Variants in MEGF9 observed in about 807,000 individuals in gnomAD.
The protein encoded by MEGF9 is multiple EGF like domains 9.
Under a neutral mutation model 46.8 loss-of-function variants are expected in MEGF9, and 6 were observed. The observed-to-expected ratio is 0.13, with a 90% CI of 0.07 to 0.25. MEGF9 has a LOEUF of 0.25. Ranked by LOEUF, MEGF9 falls within the 10% of genes least tolerant of loss-of-function variation. The pLI is 1.00. For missense variants in MEGF9, 683 were observed against 792.4 expected, an observed-to-expected ratio of 0.86 and a Z score of 1.66; for synonymous variants, 302 against 330.7, an observed-to-expected ratio of 0.91 and a Z score of 0.94.
chr9:120,670,934 A>G (rs2043746233), intron 1 of MEGF9, among the ~76,000 whole-genome samples: 1 of 152,180 alleles, frequency 6.6e-6, no homozygotes, highest in Non-Finnish European at 1.5e-5. Context: ...TATTTTCTAA[A>G]TAAAATTTCT....
intron 1 of MEGF9, among the ~76,000 whole-genome samples, chr9:120,711,008 C>T (rs2043950480): frequency 6.6e-6 from 1 of 152,180 alleles, no homozygotes; most frequent in Admixed American, 6.5e-5. Context: ...AAGACCATCA[C>T]AGACGTAAGT....
At chr9:120,675,564 G>A (rs2043768957) in intron 1 of MEGF9, among the ~76,000 whole-genome samples, 1 of 152,032 alleles carries the variant, frequency 6.6e-6, no homozygotes, top group Admixed American at 6.6e-5. Flanking sequence ...CTGTACTCCA[G>A]CCTGGGCAAC....
Position 120,622,740 on chromosome 9 carries a change from C to T in MEGF9, c.819G>A (p.Gln273=). ...TAGAGCCAATGACACCCACTTTGCA[C>T]TGGCATTTCCCAGAACTGCAAATAA... ...SIPCNSSGKC[Q]CKVGVIGSIC... Residue 273 remains glutamine (Q), a synonymous_variant, in exon 3 of 6, where the codon CAG becomes CAA. Coordinates refer to ENST00000373930, the MANE Select transcript of MEGF9 (RefSeq NM_001080497.3). 2 of 1,613,518 alleles carry T rather than the reference C, an allele frequency of 1.2e-6. No homozygotes were observed. Among genetic ancestry groups the T allele is most frequent in the Non-Finnish European group, 1.7e-6 (2 of 1,179,708 alleles).
intron 1 of MEGF9, among the ~76,000 whole-genome samples, chr9:120,667,159 C>A (rs1311483834): frequency 6.6e-6 from 1 of 152,126 alleles, no homozygotes; most frequent in Non-Finnish European, 1.5e-5. Flanking sequence ...TGGTGTCCCA[C>A]AAGCAACTAT....
At chr9:120,632,374 G>T (rs1215085907) in intron 2 of MEGF9, among the ~76,000 whole-genome samples, 2 of 146,280 alleles carry the variant, frequency 1.4e-5, no homozygotes, top group Admixed American at 1.4e-4. Flanking sequence ...AATAGGATTG[G>T]TTTTTTAAAT....
chr9:120,695,596 C>T (rs7866651), intron 1 of MEGF9, among the ~76,000 whole-genome samples: 76,044 of 116,518 alleles, frequency 0.65, 25,321 homozygotes, highest in South Asian at 0.74. Context: ...AGTGTGAGAC[C>T]CCATCTCAAA....
rs1344975754 is a variant in MEGF9 at position 120,714,265 on chromosome 9, CGG to C, written c.92_93del (p.Ala31GlyfsTer38). The C allele has an allele frequency of 9.2e-5, 11 of 119,236 alleles. No individual in the cohort carries two copies. The highest frequency in any genetic ancestry group is 6.6e-5 in the Non-Finnish European group (6 of 91,264). The allele number at this position is 119,236 out of a possible 1,614,324, so 7.4% of individuals were successfully genotyped here. On this transcript the variant is annotated frameshift_variant, in exon 1 of 6. Transcript: ENST00000373930. LOFTEE classifies it high-confidence loss of function. ...TTCCCCGCCGAGGCGGCTGAGGCGA[CGG>C]CGGCGGCGGCGGCGGCGGCGGCGCA... ...LCCAAAAAAA[A>X]VASAASAGNV...
At chr9:120,652,181 C>CAAAAAAAAAA (rs869214058) in intron 2 of MEGF9, among the ~76,000 whole-genome samples, 2 of 9,092 alleles carry the variant, frequency 2.2e-4, no homozygotes, top group Non-Finnish European at 2.0e-4. Flanking sequence ...CACACACACA[C>CAAAAAAAAAA]AAAAAAAAAA....
At chr9:120,606,147 G>A (rs906513180) in intron 5 of MEGF9, among the ~76,000 whole-genome samples, 8 of 149,828 alleles carry the variant, frequency 5.3e-5, no homozygotes, top group East Asian at 1.9e-4. Flanking sequence ...CTCCAGCCTC[G>A]GTGACAGAGC....
At chr9:120,634,510 A>G (rs1220104243) in intron 2 of MEGF9, among the ~76,000 whole-genome samples, 4 of 102,220 alleles carry the variant, frequency 3.9e-5, no homozygotes, top group Non-Finnish European at 6.7e-5. Context: ...GCTGGAGTGC[A>G]GTGGCGCAAT....
intron 1 of MEGF9, among the ~76,000 whole-genome samples, chr9:120,678,888 T>A (rs1441129575): frequency 1.3e-5 from 2 of 152,184 alleles, no homozygotes; most frequent in Non-Finnish European, 2.9e-5. Context: ...TCATCATCAC[T>A]GGCCATCAGA....
At chr9:120,690,132 A>T in intron 1 of MEGF9, 1 of 368,386 alleles carries the variant, frequency 2.7e-6, no homozygotes, top group South Asian at 2.2e-5. Context: ...ATATATAACT[A>T]AACTAATATC....
chr9:120,677,945 A>G (rs1437485185), intron 1 of MEGF9, among the ~76,000 whole-genome samples: 1 of 152,062 alleles, frequency 6.6e-6, no homozygotes, highest in African/African-American at 2.4e-5. Flanking sequence ...CTCTTCCCAG[A>G]CTCTAGTAAA....
At chr9:120,608,916 G>A (rs998973351) in intron 4 of MEGF9, among the ~76,000 whole-genome samples, 2 of 152,108 alleles carry the variant, frequency 1.3e-5, no homozygotes, top group African/African-American at 4.8e-5. Flanking sequence ...CATTCCCACT[G>A]GAGTGATCTT....
rs890955247 is a variant in MEGF9 at position 120,713,763 on chromosome 9, G to A, written c.596C>T (p.Pro199Leu). 2 of 1,292,104 alleles carry A rather than the reference G, an allele frequency of 1.5e-6. No homozygotes were observed. Among genetic ancestry groups the A allele is most frequent in the Non-Finnish European group, 2.0e-6 (2 of 1,019,880 alleles). 80.0% of individuals were successfully genotyped at this position (1,292,104 alleles called of 1,614,324 possible). Residue 199 changes from proline to leucine, a missense_variant, in exon 1 of 6, where the codon CCT (proline) becomes CTT (leucine). Transcript: ENST00000373930. ...PPATEAPSSP[P>L]PEYVCNCSVV... is the part of the protein sequence containing the mutation. ...AGAGGGAGCGCCGGACTCACCTGGA[G>A]GAGGCGAAGAGGGGGCCTCGGTGGC... is the stretch of plus-strand genomic sequence containing the variant.
chr9:120,709,162 C>T (rs2043941550), intron 1 of MEGF9, among the ~76,000 whole-genome samples: 1 of 152,156 alleles, frequency 6.6e-6, no homozygotes, highest in Non-Finnish European at 1.5e-5. Flanking sequence ...CACAGTGGCT[C>T]ATGCCTGTAA....
intron 1 of MEGF9, among the ~76,000 whole-genome samples, chr9:120,704,030 C>T (rs1291371630): frequency 6.7e-6 from 1 of 150,324 alleles, no homozygotes; most frequent in Non-Finnish European, 1.5e-5. Context: ...GTAAATATTT[C>T]AATACGAAGA....
At chr9:120,641,787 T>C (rs1294009054) in intron 2 of MEGF9, among the ~76,000 whole-genome samples, 1 of 152,224 alleles carries the variant, frequency 6.6e-6, no homozygotes, top group South Asian at 2.1e-4. Context: ...TAAAGCTACT[T>C]ACTTTCCACT....
intron 2 of MEGF9, among the ~76,000 whole-genome samples, chr9:120,636,855 T>TG (rs201913484): frequency 0.4 from 59,773 of 148,844 alleles, 14,744 homozygotes; most frequent in South Asian, 0.65. Flanking sequence ...GTCTGGGGGG[T>TG]GGGGGGGCCC....
Sources: gnomAD v4.1 joint callset for allele counts (sites outside exome capture counted in the v4.1 genomes callset) on GRCh38, gnomAD v4.1.1 for gene constraint, MANE v1.5 for transcripts, NCBI Gene and HGNC (gene_info 2026-07-23, HGNC 2026-07-21) for gene names.